SV2C: variants seen among roughly 807,000 people sequenced by gnomAD.
The protein encoded by SV2C is solute carrier family 22 member B3.
In SV2C, 49 loss-of-function variants were observed where a neutral mutation model predicts 79.7. The observed-to-expected ratio is 0.61, with a 90% confidence interval of 0.49 to 0.78. The LOEUF is 0.78. Among genes scored for constraint, SV2C ranks in the 30% least tolerant of loss-of-function variants. The pLI, the probability that SV2C is intolerant of heterozygous loss-of-function variation, is 0.00. For missense variants in SV2C, 833 were observed against 912.9 expected (o/e 0.91, Z 1.13); for synonymous variants, 334 against 333.2 (o/e 1.00, Z -0.03).
intron 1 of SV2C, among the ~76,000 whole-genome samples, chr5:76,127,511 CT>C (rs2112176324): frequency 6.6e-6 from 1 of 152,306 alleles, no homozygotes; most frequent in East Asian, 1.9e-4. Context: ...TTTCAATCGG[CT>C]ATGTATCCTG....
At chr5:76,227,802 T>G (rs1745297572) in intron 4 of SV2C, among the ~76,000 whole-genome samples, 1 of 152,210 alleles carries the variant, frequency 6.6e-6, no homozygotes, top group South Asian at 2.1e-4. Flanking sequence ...GGGCTGTTTT[T>G]TCCTTTGTGA....
At chr5:76,197,935 G>C (rs2112333340) in intron 3 of SV2C, among the ~76,000 whole-genome samples, 1 of 152,306 alleles carries the variant, frequency 6.6e-6, no homozygotes, top group South Asian at 2.1e-4. Context: ...TGCTGCTAGT[G>C]CAAGTCCCAA....
the SV2C span, among the ~76,000 whole-genome samples, chr5:75,889,880 T>C: frequency 3.3e-5 from 5 of 152,212 alleles, no homozygotes; most frequent in East Asian, 9.7e-4. Context: ...GCGGTTTGGA[T>C]TGAGCAGTGG....
intron 1 of SV2C, among the ~76,000 whole-genome samples, chr5:76,101,327 G>C (rs966938309): frequency 2.0e-5 from 3 of 152,184 alleles, no homozygotes; most frequent in African/African-American, 7.2e-5. Context: ...CAGGTGTACA[G>C]TGGCTTAGGT....
chr5:75,965,708 A>G, the SV2C span, among the ~76,000 whole-genome samples: 1 of 152,172 alleles, frequency 6.6e-6, no homozygotes, highest in Non-Finnish European at 1.5e-5. Context: ...TCCTCTTTCT[A>G]TAGTTTTGAC....
the SV2C span, among the ~76,000 whole-genome samples, chr5:75,973,803 G>A: frequency 1.3e-5 from 2 of 152,024 alleles, no homozygotes; most frequent in Non-Finnish European, 2.9e-5. Context: ...ATGGTGTCTA[G>A]TATACAGCAG....
At chr5:76,167,929 G>A (rs1463480560) in intron 2 of SV2C, among the ~76,000 whole-genome samples, 1 of 152,204 alleles carries the variant, frequency 6.6e-6, no homozygotes, top group Admixed American at 6.5e-5. Context: ...CAGAGAAACA[G>A]CTTCTAATCT....
chr5:75,915,089 C>T, the SV2C span, among the ~76,000 whole-genome samples: 1 of 152,164 alleles, frequency 6.6e-6, no homozygotes, highest in African/African-American at 2.4e-5. Context: ...GATTCAATTA[C>T]CTCCCACCAA....
the SV2C span, among the ~76,000 whole-genome samples, chr5:75,948,742 T>C: frequency 1.3e-5 from 2 of 151,932 alleles, no homozygotes; most frequent in Non-Finnish European, 2.9e-5. Flanking sequence ...CGTGGTATGT[T>C]CCAGGAATAG....
At chr5:76,239,080 T>G (rs1180082898) in intron 4 of SV2C, among the ~76,000 whole-genome samples, 1 of 149,108 alleles carries the variant, frequency 6.7e-6, no homozygotes, top group African/African-American at 2.6e-5. Context: ...AGGGAATAAA[T>G]AGTCTTCCCC....
the SV2C span, among the ~76,000 whole-genome samples, chr5:75,932,664 G>A: frequency 6.6e-6 from 1 of 152,236 alleles, no homozygotes; most frequent in Non-Finnish European, 1.5e-5. Flanking sequence ...GGCACAGGCT[G>A]CTCCTGCTAT....
intron 4 of SV2C, among the ~76,000 whole-genome samples, chr5:76,234,868 A>C (rs1026860671): frequency 3.3e-5 from 5 of 152,216 alleles, no homozygotes; most frequent in Admixed American, 6.5e-5. Flanking sequence ...CACACTGCTC[A>C]TCCTACAGTG....
At chr5:76,037,147 T>C in the SV2C span, among the ~76,000 whole-genome samples, 2 of 152,230 alleles carry the variant, frequency 1.3e-5, no homozygotes, top group African/African-American at 4.8e-5. Flanking sequence ...TACCTTCTTC[T>C]AAATTTTTTT....
chr5:76,304,190 C>G lies in SV2C; in HGVS notation c.2000+2645C>G, dbSNP rs368332811. 4.6e-5 allele frequency among the ~76,000 whole-genome samples: 7 copies of G among 152,334 alleles called. No homozygotes were observed. In the South Asian group the frequency reaches 8.3e-4, roughly 18 times the overall value. On this transcript the variant is annotated intron_variant, in intron 12 of 12. Transcript: ENST00000502798. Reference sequence around the variant, plus strand: ...TGTTGCTGGCAGACGCTCTCCAGCACTTAAGTAGATGTCATCAGATAATCA... The same window carrying G: ...TGTTGCTGGCAGACGCTCTCCAGCAGTTAAGTAGATGTCATCAGATAATCA...
the SV2C span, among the ~76,000 whole-genome samples, chr5:76,025,961 G>A: frequency 2.0e-5 from 3 of 152,246 alleles, no homozygotes; most frequent in South Asian, 4.2e-4. Context: ...TTTCAACCAG[G>A]ATGGTGGGAG....
chr5:75,972,833 A>C, the SV2C span, among the ~76,000 whole-genome samples: 14 of 152,182 alleles, frequency 9.2e-5, no homozygotes, highest in Admixed American at 5.2e-4. Context: ...CTGGGTAAAC[A>C]CCCAAAGGAT....
At chr5:75,871,967 C>T in the SV2C span, among the ~76,000 whole-genome samples, 45 of 146,754 alleles carry the variant, frequency 3.1e-4, 1 homozygote, top group East Asian at 1.2e-3. Flanking sequence ...AGTACACACA[C>T]GTATATTTAA....
At chr5:75,901,069 C>T in the SV2C span, among the ~76,000 whole-genome samples, 1 of 152,206 alleles carries the variant, frequency 6.6e-6, no homozygotes, top group African/African-American at 2.4e-5. Context: ...TCATCTGAAG[C>T]CTTCTTCTCT....
chr5:76,106,715 CAT>C (rs1413995487), intron 1 of SV2C, among the ~76,000 whole-genome samples: 1 of 152,162 alleles, frequency 6.6e-6, no homozygotes, highest in Non-Finnish European at 1.5e-5. Flanking sequence ...TTCTTTAAGT[CAT>C]TGCCTGAATC....
Sources: allele counts gnomAD v4.1 joint callset (sites outside exome capture counted in the v4.1 genomes callset), GRCh38; gene constraint gnomAD v4.1.1; transcripts MANE v1.5; gene names NCBI Gene and HGNC (gene_info 2026-07-23, HGNC 2026-07-21).